CT45A1: variants seen among roughly 807,000 people sequenced by gnomAD.
CT45A1 encodes the protein cancer/testis antigen family 45 member A1, also known as cancer/testis antigen 45-1.
chrX:135,711,882 A>T (rs75607669), upstream of CT45A1, among the ~76,000 whole-genome samples: 1 of 110,772 alleles, frequency 9.0e-6, no homozygotes, highest in East Asian at 2.8e-4. Context: ...GGAGTTTGAG[A>T]CCAGCCTGGC....
upstream of CT45A1, chrX:135,710,160 G>A (rs1449599570): frequency 3.5e-5 from 4 of 113,356 alleles, no homozygotes; most frequent in Non-Finnish European, 7.4e-5. Flanking sequence ...CAACTGTCCT[G>A]GGTGGCGAAA....
chrX:135,712,935 T>TC (rs1556570056), upstream of CT45A1, among the ~76,000 whole-genome samples: 1 of 88,800 alleles, frequency 1.1e-5, no homozygotes, highest in South Asian at 5.8e-4. Flanking sequence ...TTTCTTTTCT[T>TC]TTTTTCTTTC....
chrX:135,712,298 G>C (rs1200492528), upstream of CT45A1, among the ~76,000 whole-genome samples: 1 of 93,547 alleles, frequency 1.1e-5, no homozygotes, highest in Non-Finnish European at 2.0e-5. Context: ...AGCCTCCCAA[G>C]TAGCTGGGAC....
At chrX:135,708,662 C>T (rs2087919816), upstream of CT45A1, among the ~76,000 whole-genome samples, 1 of 111,174 alleles carries the variant, frequency 9.0e-6, no homozygotes. Context: ...TTATGCAACT[C>T]GCTTCGTGTT....
chrX:135,712,750 G>A (rs1354417434), upstream of CT45A1, among the ~76,000 whole-genome samples: 2 of 108,529 alleles, frequency 1.8e-5, no homozygotes, highest in Non-Finnish European at 3.8e-5. Context: ...GGCTGGTCCC[G>A]AACTCCTGAC....
At chrX:135,713,991 C>CG (rs1215109510) in intron 1 of CT45A1, among the ~76,000 whole-genome samples, 3 of 99,963 alleles carry the variant, frequency 3.0e-5, no homozygotes, top group Non-Finnish European at 4.1e-5. Context: ...GACCTGAGCC[C>CG]GGGGGTGGGG....
At chrX:135,715,197 CTA>C (rs201878299) in intron 1 of CT45A1, among the ~76,000 whole-genome samples, 31 of 82,500 alleles carry the variant, frequency 3.8e-4, no homozygotes, top group Non-Finnish European at 5.9e-4. Flanking sequence ...AATGCCATTA[CTA>C]TTATATATAT....
intron 1 of CT45A1, among the ~76,000 whole-genome samples, chrX:135,718,210 G>T (rs1444635047): frequency 9.0e-6 from 1 of 111,384 alleles, no homozygotes; most frequent in African/African-American, 3.3e-5. Context: ...TACATTTATC[G>T]ATTATCAAAT....
intron 1 of CT45A1, among the ~76,000 whole-genome samples, chrX:135,716,361 A>G (rs2087988837): frequency 9.0e-6 from 1 of 111,514 alleles, no homozygotes; most frequent in Admixed American, 9.6e-5. Flanking sequence ...GGAATGGAGT[A>G]AAGTCAGAGT....
At chrX:135,712,719 C>T (rs112090346), upstream of CT45A1, among the ~76,000 whole-genome samples, 12 of 108,056 alleles carry the variant, frequency 1.1e-4, no homozygotes, top group African/African-American at 3.7e-4. Flanking sequence ...TTAGTTGAGA[C>T]GAGATTCACC....
chrX:135,709,280 T>C (rs200434480), upstream of CT45A1, among the ~76,000 whole-genome samples: 15 of 110,040 alleles, frequency 1.4e-4, no homozygotes, highest in Non-Finnish European at 2.3e-4. Flanking sequence ...CATGCACTGT[T>C]ACACCTGGCT....
rs548474167 is a variant in CT45A1, at chrX:135,713,977, A to T, written c.-7+287A>T. Among the ~76,000 whole-genome samples the T allele has an allele frequency of 3.1e-4, 32 of 103,343 alleles. 1 individual carries two copies. The South Asian group carries it at 0.016, about 52-fold the overall frequency. 89.7% of individuals were successfully genotyped at this position (103,343 alleles called of 115,157 possible). ...GTGATGCTAGGGACTTTTCCTACTG[A>T]AATGACCTGAGCCCGGGGGTGGGGG... On this transcript the variant is annotated intron_variant, in intron 1 of 4. Transcript: ENST00000594565.
upstream of CT45A1, among the ~76,000 whole-genome samples, chrX:135,712,996 C>CCTTCCTTCCTTCCTCT (rs1156263810): frequency 8.0e-3 from 461 of 57,584 alleles, 28 homozygotes; most frequent in South Asian, 0.014. Context: ...TTCCTTCCTT[C>CCTTCCTTCCTTCCTCT]CTCTCTCTCT....
chrX:135,716,292 T>C (rs190217260), intron 1 of CT45A1, among the ~76,000 whole-genome samples: 1 of 111,717 alleles, frequency 9.0e-6, no homozygotes, highest in Admixed American at 9.6e-5. Flanking sequence ...TTTGCACTCA[T>C]GATGATAATA....
At chrX:135,708,459 T>G in the CT45A1 span, among the ~76,000 whole-genome samples, 15 of 110,095 alleles carry the variant, frequency 1.4e-4, no homozygotes, top group Admixed American at 9.7e-4. Context: ...GAAAGTGTCT[T>G]TCTGGGGTGC....
At chrX:135,710,411 TC>T (rs1413357035), upstream of CT45A1, 1 of 112,092 alleles carries the variant, frequency 8.9e-6, no homozygotes, top group Non-Finnish European at 1.9e-5. Flanking sequence ...GGAAGGAAAA[TC>T]CATATCTAGA....
At chrX:135,710,761 G>C (rs2087929645), upstream of CT45A1, among the ~76,000 whole-genome samples, 1 of 112,596 alleles carries the variant, frequency 8.9e-6, no homozygotes, top group Non-Finnish European at 1.9e-5. Context: ...ATTAAATTCT[G>C]CTCTGCTGAG....
chrX:135,714,002 G>T (rs781912194), intron 1 of CT45A1, among the ~76,000 whole-genome samples: 1 of 107,949 alleles, frequency 9.3e-6, no homozygotes, highest in East Asian at 3.0e-4. Flanking sequence ...GGGGGTGGGG[G>T]CCATGCCTTG....
chrX:135,712,680 G>A (rs1424143609), upstream of CT45A1, among the ~76,000 whole-genome samples: 2 of 109,668 alleles, frequency 1.8e-5, no homozygotes, highest in Non-Finnish European at 3.8e-5. Flanking sequence ...ACAGGTGCGC[G>A]CCCCACGCCC....
Sources: gnomAD v4.1 joint callset for allele counts (sites outside exome capture counted in the v4.1 genomes callset) on GRCh38, gnomAD v4.1.1 for gene constraint, MANE v1.5 for transcripts, NCBI Gene and HGNC (gene_info 2026-07-23, HGNC 2026-07-21) for gene names.